ICE2: variants seen among roughly 807,000 people sequenced by gnomAD.
ICE2 encodes little elongation complex subunit 2.
ICE2 carries 87 observed loss-of-function variants against 105.4 expected under a neutral mutation model. The observed-to-expected ratio is 0.83, with a 90% CI of 0.69 to 0.99. The LOEUF (loss-of-function observed/expected upper bound fraction) is 0.99, where lower values mean the gene tolerates loss of function less well. Among genes scored for constraint, ICE2 ranks in the 50% least tolerant of loss-of-function variants. The pLI is 0.00. For synonymous variants in ICE2, 399 were observed against 392.0 expected, an observed-to-expected ratio of 1.02 and a Z score of -0.21; for missense variants, 1,323 against 1,146.7, an observed-to-expected ratio of 1.15 and a Z score of -2.22.
chr15:60,431,385 G>T lies in ICE2; in HGVS notation c.2561+549C>A, dbSNP rs1481756329. Among the ~76,000 whole-genome samples, 5 of 152,108 alleles carry T rather than the reference G, an allele frequency of 3.3e-5. No homozygotes were observed. The South Asian group carries it at 1.0e-3, about 32-fold the overall frequency. On this transcript the variant is annotated intron_variant, in intron 14 of 15. Coordinates refer to ENST00000261520, the MANE Select transcript of ICE2 (RefSeq NM_024611.6). Reference sequence around the variant, plus strand: ...TGAGAAGGCCCAAAGTAATCACCAGGAACCTTATAAAAGGGAGGCAGAGGA... The same window carrying T: ...TGAGAAGGCCCAAAGTAATCACCAGTAACCTTATAAAAGGGAGGCAGAGGA...
chr15:60,428,491 G>A lies in ICE2; in HGVS notation c.2758C>T (p.His920Tyr). ...AAAGTACAAGGTATTCTTCCATGAT[G>A]GATATGATATGGTAATAACAGGCTG... Reference protein sequence around the residue: ...DPSLLLPYHIHHGRIPCTFPP... With the variant: ...DPSLLLPYHIYHGRIPCTFPP... Residue 920 changes from histidine to tyrosine, a missense_variant, in exon 15 of 16, where the codon CAT becomes TAT. Transcript: ENST00000261520. 1 of 1,614,000 alleles carries A rather than the reference G, an allele frequency of 6.2e-7. No individual in the cohort carries two copies. Among genetic ancestry groups the A allele is most frequent in the Non-Finnish European group, 8.5e-7 (1 of 1,179,862 alleles).
intron 5 of ICE2, among the ~76,000 whole-genome samples, chr15:60,465,067 A>ATG (rs1362872801): frequency 2.0e-5 from 3 of 152,242 alleles, no homozygotes; most frequent in Non-Finnish European, 4.4e-5. Flanking sequence ...TTTTCCACAT[A>ATG]GAAAATTATG....
At chr15:60,467,932 C>T (rs1297871612) in intron 4 of ICE2, 129 bp downstream of exon 4, 2 of 808,938 alleles carry the variant, frequency 2.5e-6, no homozygotes, top group East Asian at 5.7e-5. Context: ...CACCATTGCT[C>T]TCTCAATCTC....
At chr15:60,459,689 C>A (rs1566998548) in intron 5 of ICE2, among the ~76,000 whole-genome samples, 1 of 152,048 alleles carries the variant, frequency 6.6e-6, no homozygotes, top group Non-Finnish European at 1.5e-5. Context: ...AAATAGCATA[C>A]AAGTCAAGAG....
intron 5 of ICE2, among the ~76,000 whole-genome samples, chr15:60,458,542 A>G (rs573693871): frequency 9.2e-5 from 14 of 152,266 alleles, no homozygotes; most frequent in Admixed American, 5.2e-4. Flanking sequence ...AGGTGGCTTA[A>G]GGGCTAATTC....
intron 6 of ICE2, 93 bp downstream of exon 6, chr15:60,456,553 AAATAAATAAAT>A (rs2141095469): frequency 1.7e-5 from 1 of 57,390 alleles, no homozygotes; most frequent in East Asian, 1.4e-3. Context: ...AAAAAAAAAT[AAATAAATAAAT>A]AAATATATAT....
At chr15:60,436,769 G>C (rs1229733051) in intron 12 of ICE2, among the ~76,000 whole-genome samples, 2 of 143,146 alleles carry the variant, frequency 1.4e-5, no homozygotes, top group Non-Finnish European at 3.0e-5. Context: ...GCGTTTATGA[G>C]GAGAATTATC....
Position 60,448,029 on chromosome 15 carries a change from A to C in ICE2, c.2236T>G (p.Cys746Gly), listed in dbSNP as rs1445110698. Residue 746 changes from cysteine (C) to glycine (G), a missense_variant, in exon 11 of 16, where the codon TGC becomes GGC. Cys to Gly is a radical substitution (Grantham distance 159, BLOSUM62 -3). Coordinates refer to ENST00000261520, the MANE Select transcript of ICE2 (RefSeq NM_024611.6). ...CTTGTCTCTATCCTCTGGACACTGC[A>C]GCGTACGAGTAACAACAGGTCTTGC... ...SLQDLLLLVR[C>G]SVQRIETRPR... The C allele has an allele frequency of 6.2e-7, 1 of 1,614,010 alleles. No individual in the cohort carries two copies. The highest frequency in any genetic ancestry group is 1.7e-5 in the Admixed American group (1 of 60,022).
chr15:60,449,994 C>A (rs1375890434), intron 9 of ICE2, among the ~76,000 whole-genome samples, 153 bp from the exon 10 acceptor site: 2 of 152,132 alleles, frequency 1.3e-5, no homozygotes, highest in Non-Finnish European at 2.9e-5. Context: ...AAGATGACAA[C>A]AAACTACTAC....
chr15:60,462,585 T>G (rs1039010828), intron 5 of ICE2, among the ~76,000 whole-genome samples: 1 of 152,120 alleles, frequency 6.6e-6, no homozygotes, highest in African/African-American at 2.4e-5. Context: ...GGAGAAAAAC[T>G]GCAACATACA....
chr15:60,477,837 T>C, intron 2 of ICE2, 100 bp downstream of exon 2: 1 of 1,063,500 alleles, frequency 9.4e-7, no homozygotes, highest in Non-Finnish European at 1.5e-6. Context: ...GTATTTTCTG[T>C]TTCCTCCAAA....
intron 5 of ICE2, among the ~76,000 whole-genome samples, chr15:60,466,225 C>A (rs999772195): frequency 3.3e-5 from 5 of 152,092 alleles, no homozygotes; most frequent in Non-Finnish European, 5.9e-5. Context: ...ACATAATGAG[C>A]ACAAGTTCAC....
Position 60,438,162 on chromosome 15 carries a change from C to T in ICE2, c.2426-1935G>A, listed in dbSNP as rs189006479. ...GTCCTGGGTTAAATGTTATATAAGT[C>T]AACACAAAAATCGTATGTATTGTAC... On this transcript the variant is annotated intron_variant, in intron 12 of 15. Transcript: ENST00000261520. The T allele has an allele frequency of 1.8e-4, 27 of 152,148 alleles. No homozygotes were observed. In the East Asian group the frequency reaches 2.7e-3, roughly 15 times the overall value. 9.4% of individuals were successfully genotyped at this position (152,148 alleles called of 1,614,324 possible).
At chr15:60,477,799 ATAGGG>A in intron 2 of ICE2, 133 bp downstream of exon 2, 1 of 745,590 alleles carries the variant, frequency 1.3e-6, no homozygotes, top group Non-Finnish European at 2.4e-6. Context: ...GAAGATGAGG[ATAGGG>A]TAAATTCTGA....
chr15:60,468,367 A>G lies in ICE2; in HGVS notation c.147-45T>C, dbSNP rs777974062. ...TTACAAATATGTGCTTTTCACATGAAGATTACTATCATGGAACTTCATGAT... is the reference window on the plus strand; with the variant it reads ...TTACAAATATGTGCTTTTCACATGAGGATTACTATCATGGAACTTCATGAT... On this transcript the variant is annotated intron_variant, in intron 3 of 15. Coordinates refer to ENST00000261520, the MANE Select transcript of ICE2 (RefSeq NM_024611.6). 2.1e-6 allele frequency: 3 copies of G among 1,437,734 alleles called. No homozygotes were observed. In the East Asian group the frequency reaches 6.9e-5, roughly 33 times the overall value. 89.1% of individuals were successfully genotyped at this position (1,437,734 alleles called of 1,614,324 possible). A position where few individuals can be genotyped will look rare whatever the true frequency, so the allele number is the denominator to read the frequency against.
intron 1 of ICE2, 101 bp from the exon 2 acceptor site, chr15:60,478,170 A>G (rs2064820531): frequency 1.7e-6 from 1 of 600,184 alleles, no homozygotes; most frequent in South Asian, 2.0e-5. Flanking sequence ...CCCTCAACAG[A>G]CTGTGGCACC....
chr15:60,438,226 G>T (rs11071533), intron 12 of ICE2: 14 of 151,994 alleles, frequency 9.2e-5, no homozygotes, highest in Admixed American at 5.2e-4. Context: ...GAGAATATAA[G>T]ACGTATCAAT....
intron 2 of ICE2, among the ~76,000 whole-genome samples, chr15:60,476,918 T>C (rs541746568): frequency 9.8e-5 from 15 of 152,342 alleles, no homozygotes; most frequent in South Asian, 6.2e-4. Flanking sequence ...AGTTCCACAA[T>C]GCCGGTGGTA....
In ICE2 at chr15:60,425,163, C is replaced by T. The variant is rs150459173; in HGVS notation, c.2821-1401G>A. Among the ~76,000 whole-genome samples the T allele has an allele frequency of 2.6e-5, 4 of 152,286 alleles. No individual in the cohort carries two copies. In the East Asian group the frequency reaches 7.7e-4, roughly 29 times the overall value. On this transcript the variant is annotated intron_variant, in intron 15 of 15. Transcript: ENST00000261520. ...TCTGGCTTCCTTTATTTAATATCTA[C>T]TGTCCCTTTAAAAAGCATTTTTTTT...
Sources: allele counts gnomAD v4.1 joint callset (sites outside exome capture counted in the v4.1 genomes callset), GRCh38; gene constraint gnomAD v4.1.1; transcripts MANE v1.5; gene names NCBI Gene and HGNC (gene_info 2026-07-23, HGNC 2026-07-21).